Variants in PIAS2 observed in about 807,000 individuals in gnomAD.
The protein encoded by PIAS2 is protein inhibitor of activated STAT 2, also known as E3 SUMO-protein ligase PIAS2.
Under a neutral mutation model 69.7 loss-of-function variants are expected in PIAS2, and 19 were observed. The observed-to-expected ratio is 0.27, with a 90% CI of 0.19 to 0.40. PIAS2 has a LOEUF of 0.40. Among genes scored for constraint, PIAS2 ranks in the 10% least tolerant of loss-of-function variants. The probability of loss-of-function intolerance (pLI) is 1.00; values close to 1 mark genes in which losing one functional copy is unlikely to be tolerated. For synonymous variants in PIAS2, 261 were observed against 263.2 expected (o/e 0.99, Z 0.08); for missense variants, 624 against 757.0 (o/e 0.82, Z 2.06).
At chr18:46,897,877 G>T (rs992971081) in intron 1 of PIAS2, among the ~76,000 whole-genome samples, 4 of 145,462 alleles carry the variant, frequency 2.7e-5, no homozygotes, top group Admixed American at 6.8e-5. Context: ...TAATTTTTGG[G>T]TTTTTTTTTT....
At chr18:46,828,202 G>C (rs1296881832) in intron 10 of PIAS2, 72 bp from the exon 11 acceptor site, 1 of 1,275,502 alleles carries the variant, frequency 7.8e-7, no homozygotes, top group African/African-American at 1.5e-5. Context: ...GTAGAGTCTA[G>C]TATATTCAGT....
intron 3 of PIAS2, among the ~76,000 whole-genome samples, chr18:46,858,222 T>TA (rs11418545): frequency 0.5 from 70,971 of 141,056 alleles, 17,364 homozygotes; most frequent in Middle Eastern, 0.55. Context: ...GAGATAAGAT[T>TA]AAAAAAAAAA....
At chr18:46,869,543 A>G (rs1259950623) in intron 2 of PIAS2, among the ~76,000 whole-genome samples, 1 of 152,234 alleles carries the variant, frequency 6.6e-6, no homozygotes, top group African/African-American at 2.4e-5. Flanking sequence ...AACATGTGGC[A>G]TTGAGCCTCA....
chr18:46,885,829 C>T (rs1165660596), intron 2 of PIAS2, among the ~76,000 whole-genome samples: 1 of 152,142 alleles, frequency 6.6e-6, no homozygotes, highest in Non-Finnish European at 1.5e-5. Context: ...AGTTACTCTT[C>T]TAAACAAAAT....
chr18:46,848,595 C>T (rs936069242), intron 5 of PIAS2, among the ~76,000 whole-genome samples: 1 of 152,146 alleles, frequency 6.6e-6, no homozygotes, highest in Non-Finnish European at 1.5e-5. Flanking sequence ...CCTTCACTGT[C>T]TCATAAGAGG....
intron 11 of PIAS2, among the ~76,000 whole-genome samples, chr18:46,821,482 G>T (rs865787910): frequency 2.0e-5 from 3 of 152,120 alleles, no homozygotes; most frequent in African/African-American, 4.8e-5. Flanking sequence ...AGGGAACCTT[G>T]AGAAGTGAAG....
intron 9 of PIAS2, among the ~76,000 whole-genome samples, chr18:46,830,473 T>A (rs547673077): frequency 1.3e-5 from 2 of 152,164 alleles, no homozygotes; most frequent in Non-Finnish European, 2.9e-5. Context: ...GACTGTATTA[T>A]TTAAACACTG....
At chr18:46,848,559 C>T (rs904986637) in intron 5 of PIAS2, among the ~76,000 whole-genome samples, 1 of 152,156 alleles carries the variant, frequency 6.6e-6, no homozygotes, top group African/African-American at 2.4e-5. Context: ...GAGGAACACA[C>T]CCTGTCTACC....
chr18:46,823,073 CAA>C (rs34457697), intron 11 of PIAS2, among the ~76,000 whole-genome samples: 1 of 119,646 alleles, frequency 8.4e-6, no homozygotes. Flanking sequence ...CTTGTATCTA[CAA>C]AAAAAAAAAA....
At chr18:46,837,266 A>G (rs1201830977) in intron 8 of PIAS2, among the ~76,000 whole-genome samples, 1 of 151,826 alleles carries the variant, frequency 6.6e-6, no homozygotes, top group African/African-American at 2.4e-5. Flanking sequence ...CCTTTTCAAT[A>G]TAATGTTATT....
chr18:46,854,456 C>A (rs1036645445), intron 5 of PIAS2, among the ~76,000 whole-genome samples: 5 of 152,168 alleles, frequency 3.3e-5, no homozygotes, highest in Admixed American at 3.3e-4. Context: ...GCTTGACAAA[C>A]GTGCCATGTT....
intron 2 of PIAS2, among the ~76,000 whole-genome samples, chr18:46,876,963 G>A (rs967381029): frequency 1.3e-5 from 2 of 152,112 alleles, no homozygotes; most frequent in African/African-American, 4.8e-5. Context: ...GCCTCCCAAA[G>A]TACTGGGATT....
At chr18:46,902,396 A>G (rs1333752909) in intron 1 of PIAS2, among the ~76,000 whole-genome samples, 1 of 152,096 alleles carries the variant, frequency 6.6e-6, no homozygotes, top group African/African-American at 2.4e-5. Flanking sequence ...GTCTCTACTA[A>G]AGATGCAAAA....
intron 12 of PIAS2, chr18:46,817,124 G>A: frequency 1.1e-6 from 1 of 950,152 alleles, no homozygotes; most frequent in Non-Finnish European, 1.3e-6. Context: ...CAGTTTTTCA[G>A]TTTTCTTCAT....
intron 2 of PIAS2, among the ~76,000 whole-genome samples, chr18:46,865,649 A>C (rs1282140578): frequency 6.6e-6 from 1 of 152,188 alleles, no homozygotes; most frequent in Non-Finnish European, 1.5e-5. Flanking sequence ...AAGTCACATC[A>C]AGTCAGAAAA....
rs189953548 is a variant in PIAS2 at position 46,886,841 on chromosome 18, C to A, written c.499+3739G>T. ...CGACAGAACAAGACTCTGTCCCCCC[C>A]CTCCAAAAAAAAACAAATAAAATCG... is the stretch of plus-strand genomic sequence containing the variant. On this transcript the variant is annotated intron_variant, in intron 2 of 13. Transcript: ENST00000585916. 9.2e-5 allele frequency among the ~76,000 whole-genome samples: 14 copies of A among 151,440 alleles called. No homozygotes were observed. In the South Asian group the frequency reaches 1.3e-3, roughly 14 times the overall value.
At chr18:46,883,898 T>C (rs2052701104) in intron 2 of PIAS2, among the ~76,000 whole-genome samples, 2 of 152,090 alleles carry the variant, frequency 1.3e-5, no homozygotes, top group Admixed American at 1.3e-4. Context: ...TCCCAGCAAC[T>C]TGGAAGGCCT....
intron 2 of PIAS2, among the ~76,000 whole-genome samples, chr18:46,864,461 C>G (rs1011028524): frequency 1.3e-5 from 2 of 152,076 alleles, no homozygotes; most frequent in South Asian, 2.1e-4. Context: ...AAGTACGTAA[C>G]CATTCTTTAT....
At chr18:46,815,456 T>G in intron 12 of PIAS2, 107 bp from the exon 13 acceptor site, 1 of 1,567,528 alleles carries the variant, frequency 6.4e-7, no homozygotes, top group Non-Finnish European at 8.7e-7. Flanking sequence ...GGTAAGTGCT[T>G]ACCACTCTGT....
Sources: gnomAD v4.1 joint callset for allele counts (sites outside exome capture counted in the v4.1 genomes callset) on GRCh38, gnomAD v4.1.1 for gene constraint, MANE v1.5 for transcripts, NCBI Gene and HGNC (gene_info 2026-07-23, HGNC 2026-07-21) for gene names.